Variants in TIPIN observed in about 807,000 individuals in gnomAD.
TIPIN encodes the protein TIMELESS interacting protein.
Under a neutral mutation model 35.6 loss-of-function variants are expected in TIPIN, and 29 were observed. The observed-to-expected ratio is 0.82, with a 90% CI of 0.61 to 1.11. The LOEUF is 1.11. Among genes scored for constraint, TIPIN ranks in the 50% most tolerant of loss-of-function variants. TIPIN has a pLI of 0.00. For missense variants in TIPIN, 296 were observed against 345.4 expected, an observed-to-expected ratio of 0.86 and a Z score of 1.13; for synonymous variants, 102 against 121.5, an observed-to-expected ratio of 0.84 and a Z score of 1.06.
rs750872751 is a variant in TIPIN, at chr15:66,349,133, A to G, written c.412-10T>C. 4.3e-6 allele frequency: 7 copies of G among 1,609,536 alleles called. No homozygotes were observed. The African/African-American group carries it at 9.4e-5, about 22-fold the overall frequency. On this transcript the variant is annotated splice_polypyrimidine_tract_variant and intron_variant, in intron 5 of 7. Transcript: ENST00000261881. ...TTCGTTTTAAACAGGTCTGAAAATG[A>G]AAAGAGATTATTTATTTTTACCTCT...
chr15:66,357,827 G>A (rs1452947964), upstream of TIPIN, among the ~76,000 whole-genome samples: 1 of 151,916 alleles, frequency 6.6e-6, no homozygotes, highest in Non-Finnish European at 1.5e-5. Flanking sequence ...GTGGTGGCGC[G>A]CACCTGTAAT....
At chr15:66,358,888 C>T (rs977476979), upstream of TIPIN, among the ~76,000 whole-genome samples, 7 of 151,998 alleles carry the variant, frequency 4.6e-5, no homozygotes, top group South Asian at 4.2e-4. Context: ...AATAAAAATA[C>T]AATAATTAGC....
Position 66,349,436 on chromosome 15 carries a change from G to T in TIPIN, c.290C>A (p.Ala97Asp). ...TCTGATTAGCATCTTCAAGTCTTCA[G>T]CCTGCCACATAAAAATAAAAATGCT... ...KAKFKGKGHE[A>D]EDLKMLIRHM... The change falls in exon 5 of 8, where the codon GCT (alanine) becomes GAT (aspartate). Residue 97 changes from alanine to aspartate, a missense_variant and splice_region_variant. Coordinates refer to ENST00000261881, the MANE Select transcript of TIPIN (RefSeq NM_017858.3). The T allele has an allele frequency of 1.2e-6, 2 of 1,609,144 alleles. No homozygotes were observed. The highest frequency in any genetic ancestry group is 1.7e-6 in the Non-Finnish European group (2 of 1,178,890).
intron 1 of TIPIN, among the ~76,000 whole-genome samples, chr15:66,385,037 T>C (rs982972547): frequency 6.6e-6 from 1 of 152,208 alleles, no homozygotes; most frequent in Non-Finnish European, 1.5e-5. Flanking sequence ...ACTTCTAACG[T>C]CATTCTACCA....
At chr15:66,356,925 T>C (rs62626356), upstream of TIPIN, among the ~76,000 whole-genome samples, 4,271 of 152,202 alleles carry the variant, frequency 0.028, 191 homozygotes, top group African/African-American at 0.097. Context: ...TTTTCTTTTT[T>C]TTTTTTCTTG....
At chr15:66,339,124 T>C (rs1595781754) in intron 7 of TIPIN, among the ~76,000 whole-genome samples, 1 of 74,472 alleles carries the variant, frequency 1.3e-5, no homozygotes, top group Non-Finnish European at 2.3e-5. Flanking sequence ...AGAGCAAGAC[T>C]CCATCTCAAA....
intron 1 of TIPIN, among the ~76,000 whole-genome samples, chr15:66,366,092 T>C (rs1228862109): frequency 6.6e-6 from 1 of 151,708 alleles, no homozygotes; most frequent in Non-Finnish European, 1.5e-5. Flanking sequence ...GAGTATATTT[T>C]ATCCCAGGTA....
chr15:66,365,638 C>T (rs2093250862), intron 1 of TIPIN, among the ~76,000 whole-genome samples: 1 of 152,202 alleles, frequency 6.6e-6, no homozygotes, highest in Admixed American at 6.6e-5. Context: ...CCTCTGCCTC[C>T]TGGGTTCAAG....
At chr15:66,383,762 C>T (rs2093326351) in intron 1 of TIPIN, 1 of 175,830 alleles carries the variant, frequency 5.7e-6, no homozygotes. Flanking sequence ...ATGAAGAAGT[C>T]TAGAGATCTA....
At chr15:66,384,873 T>C (rs558341515) in intron 1 of TIPIN, among the ~76,000 whole-genome samples, 4 of 152,078 alleles carry the variant, frequency 2.6e-5, no homozygotes, top group East Asian at 3.9e-4. Flanking sequence ...GGTTGCGCCA[T>C]TGCACTCAAG....
rs1390567014 is a variant in TIPIN at position 66,377,190 on chromosome 15, A to G, written c.-9+9417T>C. On this transcript the variant is annotated intron_variant, in intron 1 of 7. Transcript: ENST00000562124. The stretch of plus-strand genomic sequence containing the variant: ...GAATGCCTTTTCTCCCATATGTTCA[A>G]TAATATTGATAAGTGAAAGGTGATC... 3.3e-5 allele frequency among the ~76,000 whole-genome samples: 5 copies of G among 152,128 alleles called. No homozygotes were observed. The East Asian group carries it at 9.7e-4, about 29-fold the overall frequency.
intron 1 of TIPIN, among the ~76,000 whole-genome samples, chr15:66,374,358 T>C (rs1398431930): frequency 1.3e-5 from 2 of 151,836 alleles, no homozygotes; most frequent in African/African-American, 4.9e-5. Context: ...TATCGACTAT[T>C]TGGATATCTT....
intron 1 of TIPIN, among the ~76,000 whole-genome samples, chr15:66,353,721 G>A (rs1457642194): frequency 1.3e-5 from 2 of 152,044 alleles, no homozygotes; most frequent in African/African-American, 2.4e-5. Flanking sequence ...TTCTAGGTAA[G>A]GTTTCCTGAA....
upstream of TIPIN, among the ~76,000 whole-genome samples, chr15:66,358,695 G>A (rs1284877661): frequency 6.6e-6 from 1 of 152,092 alleles, no homozygotes; most frequent in Admixed American, 6.6e-5. Context: ...GGGATTACAG[G>A]CGTGAGCCAC....
At chr15:66,386,511 G>T (rs1432950479) in intron 1 of TIPIN, 1 of 153,080 alleles carries the variant, frequency 6.5e-6, no homozygotes, top group Admixed American at 6.5e-5. Flanking sequence ...CTCTCCTCTG[G>T]ACACAGGAAG....
At chr15:66,379,737 C>A in intron 1 of TIPIN, 1 of 1,608,308 alleles carries the variant, frequency 6.2e-7, no homozygotes, top group Non-Finnish European at 8.5e-7. Flanking sequence ...GTTACCCCAC[C>A]ATTTGTCAAC....
chr15:66,343,383 C>T (rs1314385835), intron 6 of TIPIN, among the ~76,000 whole-genome samples: 1 of 152,030 alleles, frequency 6.6e-6, no homozygotes, highest in Non-Finnish European at 1.5e-5. Flanking sequence ...ATACATTATC[C>T]TTGTTCTATG....
rs146328420 is a variant in TIPIN at position 66,363,503 on chromosome 15, G to A, written c.-8-10548C>T. Among the ~76,000 whole-genome samples, 1,374 of 151,728 alleles carry A rather than the reference G, an allele frequency of 9.1e-3. 16 individuals are homozygous for A. Among genetic ancestry groups the A allele is most frequent in the African/African-American group, 0.031 (1,278 of 41,358 alleles). On this transcript the variant is annotated intron_variant, in intron 1 of 7. Coordinates refer to the TIPIN transcript ENST00000562124. ...CTAAAATGTAAAAAATTAGCTGGGCGTGGTGGCCGGCACCTGTAGTCCCAG... is the reference window on the plus strand; with the variant it reads ...CTAAAATGTAAAAAATTAGCTGGGCATGGTGGCCGGCACCTGTAGTCCCAG...
At chr15:66,366,435 CAG>C (rs1450547684) in intron 1 of TIPIN, among the ~76,000 whole-genome samples, 1 of 151,054 alleles carries the variant, frequency 6.6e-6, no homozygotes, top group Non-Finnish European at 1.5e-5. Flanking sequence ...GCCTGGGCAA[CAG>C]AGTGAAATTC....
Sources: allele counts gnomAD v4.1 joint callset (sites outside exome capture counted in the v4.1 genomes callset), GRCh38; gene constraint gnomAD v4.1.1; transcripts MANE v1.5; gene names NCBI Gene and HGNC (gene_info 2026-07-23, HGNC 2026-07-21).